The following RIMS2 variants were observed in gnomAD, a reference collection of about 807,000 sequenced individuals.
RIMS2 encodes regulating synaptic membrane exocytosis 2.
Under a neutral mutation model 174.4 loss-of-function variants are expected in RIMS2, and 59 were observed. The observed-to-expected ratio is 0.34, with a 90% CI of 0.27 to 0.42. The LOEUF is 0.42. RIMS2 is among the 10% of genes least tolerant of loss of function. The pLI is 1.00. For synonymous variants in RIMS2, 606 were observed against 572.5 expected, an observed-to-expected ratio of 1.06 and a Z score of -0.84; for missense variants, 1,620 against 1,666.3, an observed-to-expected ratio of 0.97 and a Z score of 0.48.
intron 3 of RIMS2, among the ~76,000 whole-genome samples, chr8:103,841,265 A>G (rs1295023957): frequency 6.6e-6 from 1 of 152,224 alleles, no homozygotes; most frequent in East Asian, 1.9e-4. Flanking sequence ...CAGAAATAAT[A>G]AATGCCAAGT....
At chr8:104,224,339 A>G (rs2099171718) in intron 19 of RIMS2, among the ~76,000 whole-genome samples, 1 of 152,224 alleles carries the variant, frequency 6.6e-6, no homozygotes, top group South Asian at 2.1e-4. Flanking sequence ...CAGCAATGCC[A>G]TTGTAATTAA....
At chr8:104,048,967 G>A (rs1566028402) in intron 19 of RIMS2, among the ~76,000 whole-genome samples, 1 of 152,042 alleles carries the variant, frequency 6.6e-6, no homozygotes, top group Non-Finnish European at 1.5e-5. Flanking sequence ...CTGTAATGAT[G>A]AATTAGTAAG....
intron 1 of RIMS2, among the ~76,000 whole-genome samples, chr8:103,518,626 A>T (rs962359229): frequency 6.6e-6 from 1 of 152,042 alleles, no homozygotes; most frequent in Non-Finnish European, 1.5e-5. Flanking sequence ...AATATTTAGA[A>T]TCACCTATGG....
chr8:103,915,445 A>G (rs371644714), intron 6 of RIMS2, 50 bp from the exon 10 acceptor site: 109 of 1,105,888 alleles, frequency 9.9e-5, no homozygotes, highest in Non-Finnish European at 1.4e-4. Flanking sequence ...ATCTTCAACC[A>G]TGCTCATTTT....
chr8:103,629,544 G>C (rs1313321972), intron 1 of RIMS2, among the ~76,000 whole-genome samples: 2 of 152,102 alleles, frequency 1.3e-5, no homozygotes, highest in Non-Finnish European at 2.9e-5. Context: ...AAAAAAATAG[G>C]AAGAAGGGTG....
At chr8:103,694,250 T>G (rs2097069394) in intron 1 of RIMS2, among the ~76,000 whole-genome samples, 1 of 152,166 alleles carries the variant, frequency 6.6e-6, no homozygotes, top group Non-Finnish European at 1.5e-5. Context: ...GTTGCTGTGT[T>G]GGGCTGATGC....
At chr8:104,207,029 C>T (rs191537413) in intron 19 of RIMS2, among the ~76,000 whole-genome samples, 1 of 152,038 alleles carries the variant, frequency 6.6e-6, no homozygotes, top group East Asian at 1.9e-4. Flanking sequence ...ATTAAATTTG[C>T]CTAAAATCAA....
intron 19 of RIMS2, among the ~76,000 whole-genome samples, chr8:104,106,068 GAA>G (rs1234362598): frequency 3.5e-5 from 4 of 115,870 alleles, no homozygotes; most frequent in Non-Finnish European, 3.6e-5. Context: ...AAAAAAAAGA[GAA>G]AGAGAAAAGA....
At chr8:103,626,538 A>C (rs944220517) in intron 1 of RIMS2, among the ~76,000 whole-genome samples, 16 of 152,250 alleles carry the variant, frequency 1.1e-4, no homozygotes, top group Non-Finnish European at 2.2e-4. Context: ...TATTCCAAAC[A>C]GCTGTTGCAC....
intron 1 of RIMS2, among the ~76,000 whole-genome samples, chr8:103,549,796 AC>A (rs1398885134): frequency 3.3e-5 from 5 of 152,152 alleles, no homozygotes; most frequent in South Asian, 2.1e-4. Flanking sequence ...CAAATGGAAA[AC>A]AAAAAAAGGC....
chr8:103,915,878 T>G (rs929159577), intron 7 of RIMS2, among the ~76,000 whole-genome samples: 20 of 152,006 alleles, frequency 1.3e-4, no homozygotes, highest in African/African-American at 4.6e-4. Flanking sequence ...TTGAGAAAAT[T>G]CCAACATAGT....
At chr8:103,635,204 G>A (rs1013659686) in intron 1 of RIMS2, among the ~76,000 whole-genome samples, 1 of 152,140 alleles carries the variant, frequency 6.6e-6, no homozygotes, top group Non-Finnish European at 1.5e-5. Context: ...AGGTGGTAGT[G>A]GTCTTTCTTT....
chr8:103,605,539 C>G (rs1181626802), intron 1 of RIMS2, among the ~76,000 whole-genome samples: 1 of 151,446 alleles, frequency 6.6e-6, no homozygotes, highest in Non-Finnish European at 1.5e-5. Context: ...AGGATTCCCT[C>G]TTTTTCTATT....
intron 19 of RIMS2, among the ~76,000 whole-genome samples, chr8:104,092,257 T>A (rs931358064): frequency 6.6e-6 from 1 of 151,798 alleles, no homozygotes; most frequent in African/African-American, 2.4e-5. Context: ...GATTGTTTAT[T>A]AAGTAATTAT....
chr8:103,611,283 A>G (rs372295656), intron 1 of RIMS2, among the ~76,000 whole-genome samples: 138 of 152,050 alleles, frequency 9.1e-4, no homozygotes, highest in African/African-American at 3.2e-3. Flanking sequence ...GTCTTGATAG[A>G]TTATTGTTAT....
At chr8:103,905,220 C>CT (rs563446853) in intron 4 of RIMS2, among the ~76,000 whole-genome samples, 1 of 151,868 alleles carries the variant, frequency 6.6e-6, no homozygotes, top group African/African-American at 2.4e-5. Flanking sequence ...CAGATTCCTT[C>CT]TTTTTTTGTT....
intron 19 of RIMS2, among the ~76,000 whole-genome samples, chr8:104,201,787 T>A (rs2099056137): frequency 6.6e-6 from 1 of 152,274 alleles, no homozygotes; most frequent in African/African-American, 2.4e-5. Context: ...TTTCTAAATA[T>A]CAAAAATAGA....
chr8:103,782,433 CGTGTGTGTGTGTGTGTGT>C (rs71297237), intron 3 of RIMS2, among the ~76,000 whole-genome samples: 2 of 145,734 alleles, frequency 1.4e-5, no homozygotes. Context: ...ACATAAATCC[CGTGTGTGTGTGTGTGTGT>C]GTGTGTGTGT....
At chr8:103,819,817 A>G (rs1359997766) in intron 3 of RIMS2, among the ~76,000 whole-genome samples, 1 of 152,170 alleles carries the variant, frequency 6.6e-6, no homozygotes, top group Non-Finnish European at 1.5e-5. Context: ...CTTCAACCAG[A>G]AAAAGCATCT....
Sources: gnomAD v4.1 joint callset for allele counts (sites outside exome capture counted in the v4.1 genomes callset) on GRCh38, gnomAD v4.1.1 for gene constraint, MANE v1.5 for transcripts, NCBI Gene and HGNC (gene_info 2026-07-23, HGNC 2026-07-21) for gene names.